The following IQGAP1 variants were observed in gnomAD, a reference collection of about 807,000 sequenced individuals.
The protein encoded by IQGAP1 is IQ motif containing GTPase activating protein 1.
Under a neutral mutation model 215.6 loss-of-function variants are expected in IQGAP1, and 66 were observed. That is an observed-to-expected ratio of 0.31 (90% confidence interval 0.25 to 0.38). The LOEUF is 0.38. Among genes scored for constraint, IQGAP1 ranks in the 10% least tolerant of loss-of-function variants. The pLI, the probability that IQGAP1 is intolerant of heterozygous loss-of-function variation, is 1.00. For missense variants in IQGAP1, 1,712 were observed against 1,997.1 expected, an observed-to-expected ratio of 0.86 and a Z score of 2.72; for synonymous variants, 772 against 728.7, an observed-to-expected ratio of 1.06 and a Z score of -0.96.
At position 90,501,782 on chromosome 15, in the gene IQGAP1, G is replaced by A. The variant is rs187890640; in HGVS notation, c.*1674G>A. The A allele has an allele frequency of 6.6e-6, 1 of 152,220 alleles. No individual in the cohort carries two copies. The highest frequency in any genetic ancestry group is 1.5e-5 in the Non-Finnish European group (1 of 68,026). 9.4% of individuals were successfully genotyped at this position (152,220 alleles called of 1,614,324 possible). A position where few individuals can be genotyped will look rare whatever the true frequency, so the allele number is the denominator to read the frequency against. On this transcript the variant is annotated 3_prime_UTR_variant, in exon 38 of 38. Transcript: ENST00000268182. Reference sequence around the variant, plus strand: ...CAACTAGCATTGCCTCAAAAACTGGGACCAACCAAAGTGTGTCAACCCTGT... The same window carrying A: ...CAACTAGCATTGCCTCAAAAACTGGAACCAACCAAAGTGTGTCAACCCTGT...
At chr15:90,450,330 C>CTTTTTTTTTTTTTTTTTTTTTTTTTCT (rs1965584369) in intron 11 of IQGAP1, among the ~76,000 whole-genome samples, 1 of 54,424 alleles carries the variant, frequency 1.8e-5, no homozygotes, top group Non-Finnish European at 3.2e-5. Context: ...TATACACTAC[C>CTTTTTTTTTTTTTTTTTTTTTTTTTCT]TTTTTTTTTT....
intron 2 of IQGAP1, among the ~76,000 whole-genome samples, chr15:90,403,944 GGCTTACAGACAT>G (rs1234231534): frequency 6.6e-6 from 1 of 152,140 alleles, no homozygotes; most frequent in African/African-American, 2.4e-5. Context: ...CTAAGTGTTG[GGCTTACAGACAT>G]GAGCCACCGT....
chr15:90,500,216 C>A lies in IQGAP1; in HGVS notation c.*108C>A. On this transcript the variant is annotated 3_prime_UTR_variant, in exon 38 of 38. Transcript: ENST00000268182. ...AGCAAAGACCTAGCCAACAACAGCA[C>A]CTCAATCTGATACACTCCCGATGCC... 9.1e-6 allele frequency: 6 copies of A among 660,736 alleles called. No homozygotes were observed. The highest frequency in any genetic ancestry group is 1.7e-5 in the Non-Finnish European group (6 of 363,598). 40.9% of individuals were successfully genotyped at this position (660,736 alleles called of 1,614,324 possible).
Position 90,426,125 on chromosome 15 carries a change from C to T in IQGAP1, c.171C>T (p.Cys57=), listed in dbSNP as rs1389240500. The change falls in exon 3 of 38, where the codon TGC becomes TGT. Residue 57 remains cysteine (C), a synonymous_variant. Transcript: ENST00000268182. ...TTTGGTGCAGGTGGATGGAAGCATG[C>T]CTAGGGGAAGATCTGCCTCCCACCA... ...LEEAKRWMEA[C]LGEDLPPTTE... 3.7e-6 allele frequency: 6 copies of T among 1,605,802 alleles called. No individual in the cohort carries two copies. The highest frequency in any genetic ancestry group is 1.7e-5 in the Admixed American group (1 of 58,392).
At chr15:90,398,220 A>C (rs1344167727) in intron 2 of IQGAP1, among the ~76,000 whole-genome samples, 1 of 152,042 alleles carries the variant, frequency 6.6e-6, no homozygotes, top group Non-Finnish European at 1.5e-5. Flanking sequence ...CAAAAGGAAA[A>C]GCAGATTTAA....
In IQGAP1 at chr15:90,483,725, A is replaced by G. The variant is rs190942488; in HGVS notation, c.3788+132A>G. 1,138 of 646,010 alleles carry G rather than the reference A, an allele frequency of 1.8e-3. 8 individuals carry two copies. In the African/African-American group the frequency reaches 0.019, roughly 11 times the overall value. 40.0% of individuals were successfully genotyped at this position (646,010 alleles called of 1,614,324 possible). On this transcript the variant is annotated intron_variant, in intron 29 of 37. Coordinates refer to ENST00000268182, the MANE Select transcript of IQGAP1 (RefSeq NM_003870.4). Reference sequence around the variant, plus strand: ...TGTAGAAGACGTGTTTGATGTGCCCAGGATTCCAGAAGATGATCCATTTAC... The same window carrying G: ...TGTAGAAGACGTGTTTGATGTGCCCGGGATTCCAGAAGATGATCCATTTAC...
At position 90,442,362 on chromosome 15, in the gene IQGAP1, A is replaced by T. The variant is rs56061723; in HGVS notation, c.828+678A>T. On this transcript the variant is annotated intron_variant, in intron 8 of 37. Coordinates refer to ENST00000268182, the MANE Select transcript of IQGAP1 (RefSeq NM_003870.4). Reference sequence around the variant, plus strand: ...TCCCAGGTACTTGGGAGGCTGAGGCAGCAGAATCTATTGAACCTGGGAGGT... The same window carrying T: ...TCCCAGGTACTTGGGAGGCTGAGGCTGCAGAATCTATTGAACCTGGGAGGT... Among the ~76,000 whole-genome samples the T allele has an allele frequency of 3.4e-3, 520 of 152,032 alleles. 2 individuals are homozygous for T. The highest frequency in any genetic ancestry group is 0.012 in the African/African-American group (502 of 41,440).
At chr15:90,422,658 ATG>A (rs1309878099) in intron 2 of IQGAP1, among the ~76,000 whole-genome samples, 185 of 67,948 alleles carry the variant, frequency 2.7e-3, no homozygotes, top group Middle Eastern at 6.5e-3. Context: ...ATATATATAT[ATG>A]TATATATATA....
At chr15:90,483,116 A>G in intron 28 of IQGAP1, 1 of 422,352 alleles carries the variant, frequency 2.4e-6, no homozygotes, top group South Asian at 3.0e-5. Flanking sequence ...TCTTTCATTA[A>G]CTACTGGCAG....
intron 28 of IQGAP1, 66 bp downstream of exon 28, chr15:90,482,347 A>G: frequency 6.8e-6 from 10 of 1,465,708 alleles, no homozygotes; most frequent in South Asian, 1.1e-5. Flanking sequence ...AGGGCTGACC[A>G]TAGATCATTA....
intron 3 of IQGAP1, among the ~76,000 whole-genome samples, chr15:90,427,206 G>A (rs1483233539): frequency 6.6e-6 from 1 of 152,032 alleles, no homozygotes; most frequent in Non-Finnish European, 1.5e-5. Flanking sequence ...AGGCTGTAGG[G>A]AGTTAGTATT....
rs547966895 is a variant in IQGAP1, at chr15:90,447,790, A to G, written c.914-783A>G. Among the ~76,000 whole-genome samples, 10 of 152,282 alleles carry G rather than the reference A, an allele frequency of 6.6e-5. No homozygotes were observed. In the East Asian group the frequency reaches 1.3e-3, roughly 21 times the overall value. On this transcript the variant is annotated intron_variant, in intron 9 of 37. Transcript: ENST00000268182. ...TTTATTTAATCTTAAAAATATTCCTATGACGGAAGGTATCTTCATTATCAT... is the reference window on the plus strand; with the variant it reads ...TTTATTTAATCTTAAAAATATTCCTGTGACGGAAGGTATCTTCATTATCAT...
intron 2 of IQGAP1, among the ~76,000 whole-genome samples, chr15:90,415,733 C>G (rs1362954364): frequency 6.6e-6 from 1 of 152,180 alleles, no homozygotes; most frequent in East Asian, 1.9e-4. Flanking sequence ...TAATCATTCT[C>G]TTTCCACCAT....
chr15:90,493,875 G>C (rs1365671048), intron 35 of IQGAP1, among the ~76,000 whole-genome samples: 1 of 152,074 alleles, frequency 6.6e-6, no homozygotes, highest in Non-Finnish European at 1.5e-5. Flanking sequence ...CCCTCCCCAG[G>C]GCCAGAATGA....
At chr15:90,483,337 A>G (rs1966084293) in intron 28 of IQGAP1, 24 bp from the exon 29 acceptor site, 1 of 1,549,508 alleles carries the variant, frequency 6.5e-7, no homozygotes. Context: ...TTTAATACCC[A>G]TCTTTCTGTT....
intron 2 of IQGAP1, among the ~76,000 whole-genome samples, chr15:90,400,103 C>T (rs1021706384): frequency 2.0e-5 from 3 of 152,028 alleles, no homozygotes; most frequent in African/African-American, 7.3e-5. Context: ...GTTAGGGTTG[C>T]TATTGGCTTA....
At position 90,491,477 on chromosome 15, in the gene IQGAP1, A is replaced by C. The variant is rs758125618; in HGVS notation, c.4393A>C (p.Lys1465Gln). The change falls in exon 34 of 38, where the codon AAG becomes CAG. Residue 1465 changes from lysine to glutamine, a missense_variant. By Grantham distance (53) the Lys-to-Gln change is moderately conservative (BLOSUM62 1). This residue lies in a region of IQGAP1 where 691 missense variants were observed against 923.0 expected (regional missense o/e 0.75). Coordinates refer to ENST00000268182, the MANE Select transcript of IQGAP1 (RefSeq NM_003870.4). ...AGAGAAGATCCAGACAGGTTTAAAG[A>C]AGCTAACAGAGCTTGGAACCGTGGA... Reference protein sequence around the residue: ...KKEKIQTGLKKLTELGTVDPK... With the variant: ...KKEKIQTGLKQLTELGTVDPK... The C allele has an allele frequency of 6.2e-7, 1 of 1,614,192 alleles. No homozygotes were observed. The highest frequency in any genetic ancestry group is 8.5e-7 in the Non-Finnish European group (1 of 1,180,038).
At chr15:90,424,327 C>T (rs2151013157) in intron 2 of IQGAP1, among the ~76,000 whole-genome samples, 1 of 152,262 alleles carries the variant, frequency 6.6e-6, no homozygotes, top group South Asian at 2.1e-4. Flanking sequence ...AAATTGGTAT[C>T]TCATTTATTA....
At chr15:90,474,793 C>G in intron 23 of IQGAP1, 100 bp downstream of exon 23, 3 of 881,204 alleles carry the variant, frequency 3.4e-6, no homozygotes, top group Non-Finnish European at 5.6e-6. Flanking sequence ...GGCTGACTTT[C>G]TCCTCAGCTA....
Sources: gnomAD v4.1 joint callset for allele counts (sites outside exome capture counted in the v4.1 genomes callset) on GRCh38, gnomAD v4.1.1 for gene constraint, gnomAD v4.1.1 regional missense constraint, MANE v1.5 for transcripts, NCBI Gene and HGNC (gene_info 2026-07-23, HGNC 2026-07-21) for gene names.